Variants in ATG12 observed in about 807,000 individuals in gnomAD.
ATG12 encodes ubiquitin-like protein ATG12.
ATG12 carries 19 observed loss-of-function variants against 17.6 expected under a neutral mutation model. The ratio of observed to expected loss-of-function variants is 1.08; its 90% CI spans 0.75 to 1.58. The LOEUF (loss-of-function observed/expected upper bound fraction) is 1.58, where lower values mean the gene tolerates loss of function less well. Ranked by LOEUF, ATG12 falls within the 40% of genes most tolerant of loss-of-function variation. ATG12 has a pLI of 0.00. For synonymous variants in ATG12, 75 were observed against 62.4 expected, an observed-to-expected ratio of 1.20 and a Z score of -0.95; for missense variants, 214 against 162.0, an observed-to-expected ratio of 1.32 and a Z score of -1.74.
chr5:115,839,809 G>A (rs1357518822), intron 1 of ATG12, among the ~76,000 whole-genome samples: 1 of 152,162 alleles, frequency 6.6e-6, no homozygotes, highest in East Asian at 1.9e-4. Flanking sequence ...AACAAATAAT[G>A]ACAAGCACAA....
At chr5:115,839,416 G>C (rs1280735118) in intron 1 of ATG12, 1 of 152,152 alleles carries the variant, frequency 6.6e-6, no homozygotes, top group Non-Finnish European at 1.5e-5. Flanking sequence ...ATTTTAGTTA[G>C]CCTATCTTTC....
At position 115,837,779 on chromosome 5, in the gene ATG12, T is replaced by G; in HGVS notation, c.164-15A>C. 1 of 1,580,108 alleles carries G rather than the reference T, an allele frequency of 6.3e-7. No individual in the cohort carries two copies. The highest frequency in any genetic ancestry group is 8.6e-7 in the Non-Finnish European group (1 of 1,167,632). On this transcript the variant is annotated splice_polypyrimidine_tract_variant and intron_variant, in intron 1 of 3. Coordinates refer to ENST00000509910, the MANE Select transcript of ATG12 (RefSeq NM_004707.4). ...CAAAATGTCAACTGTAAAAGAAGAA[T>G]AAAATTTACTGACAATTACACTGAA...
intron 1 of ATG12, chr5:115,839,457 CT>C (rs1761238299): frequency 1.3e-5 from 2 of 152,180 alleles, no homozygotes; most frequent in South Asian, 4.1e-4. Flanking sequence ...CTCAAATCCC[CT>C]GGGGCTATCA....
rs1388467893 is a variant in ATG12, at chr5:115,830,505, T to C, written c.*1299A>G. Reference sequence around the variant, plus strand: ...ACTACATACCATCTTAGATCCTGTTTTGAAATTCCATTCACATTACATTCG... The same window carrying C: ...ACTACATACCATCTTAGATCCTGTTCTGAAATTCCATTCACATTACATTCG... On this transcript the variant is annotated 3_prime_UTR_variant, in exon 4 of 4. Coordinates refer to ENST00000509910, the MANE Select transcript of ATG12 (RefSeq NM_004707.4). 6.6e-6 allele frequency: 1 copy of C among 152,170 alleles called. No homozygotes were observed. Among genetic ancestry groups the C allele is most frequent in the Non-Finnish European group, 1.5e-5 (1 of 68,030 alleles). The allele number at this position is 152,170 out of a possible 1,614,324, so 9.4% of individuals were successfully genotyped here.
rs1760796292 is a variant in ATG12 at position 115,829,946 on chromosome 5, C to A, written c.*1858G>T. On this transcript the variant is annotated 3_prime_UTR_variant, in exon 4 of 4. Transcript: ENST00000509910. ...CCTGGCCAAAATGGTAAAACCCTGT[C>A]TCCACTAAAAATAACAAAAAATTAG... 2 of 152,054 alleles carry A rather than the reference C, an allele frequency of 1.3e-5. No homozygotes were observed. The highest frequency in any genetic ancestry group is 4.8e-5 in the African/African-American group (2 of 41,390). The allele number at this position is 152,054 out of a possible 1,614,324, so 9.4% of individuals were successfully genotyped here. A position where few individuals can be genotyped will look rare whatever the true frequency, so the allele number is the denominator to read the frequency against.
rs1234565844 is a variant in ATG12, at chr5:115,830,641, CA to C, written c.*1162del. ...CACTATACCCTTGAACTTCTGGGCT[CA>C]GGGGATCCTCTTGCCTCTGCAGCCT... is the stretch of plus-strand genomic sequence containing the variant. On this transcript the variant is annotated 3_prime_UTR_variant, in exon 4 of 4. Transcript: ENST00000509910. 1.3e-5 allele frequency: 2 copies of C among 151,958 alleles called. No homozygotes were observed. Among genetic ancestry groups the C allele is most frequent in the African/African-American group, 4.8e-5 (2 of 41,346 alleles). The allele number at this position is 151,958 out of a possible 1,614,324, so 9.4% of individuals were successfully genotyped here. A position where few individuals can be genotyped will look rare whatever the true frequency, so the allele number is the denominator to read the frequency against.
intron 1 of ATG12, chr5:115,837,978 T>C (rs1382852076): frequency 2.3e-6 from 1 of 427,008 alleles, no homozygotes; most frequent in African/African-American, 2.1e-5. Flanking sequence ...ATTTTTAAAA[T>C]GCCTTTTATC....
chr5:115,830,775 C>T lies in ATG12; in HGVS notation c.*1029G>A, dbSNP rs1030417748. 9.2e-5 allele frequency: 14 copies of T among 152,090 alleles called. No individual in the cohort carries two copies. Among genetic ancestry groups the T allele is most frequent in the African/African-American group, 2.7e-4 (11 of 41,406 alleles). The allele number at this position is 152,090 out of a possible 1,614,324, so 9.4% of individuals were successfully genotyped here. ...CACGCAATCCCCACACCTCAGCCTTCCAAAGTGCTGGGATTACAGGTGTAA... is the reference window on the plus strand; with the variant it reads ...CACGCAATCCCCACACCTCAGCCTTTCAAAGTGCTGGGATTACAGGTGTAA... On this transcript the variant is annotated 3_prime_UTR_variant, in exon 4 of 4. Coordinates refer to ENST00000509910, the MANE Select transcript of ATG12 (RefSeq NM_004707.4).
chr5:115,840,338 T>A (rs1761325321), intron 1 of ATG12, among the ~76,000 whole-genome samples: 1 of 151,260 alleles, frequency 6.6e-6, no homozygotes, highest in Non-Finnish European at 1.5e-5. Context: ...GCTCTTGTTG[T>A]CCAGGCTGGA....
At chr5:115,832,512 A>C (rs566561) in intron 3 of ATG12, 90 bp downstream of exon 3, 1 of 1,342,140 alleles carries the variant, frequency 7.5e-7, no homozygotes. Flanking sequence ...AATACTACAC[A>C]ATATACATAT....
At chr5:115,835,814 A>G (rs1030658643) in intron 2 of ATG12, among the ~76,000 whole-genome samples, 4 of 152,172 alleles carry the variant, frequency 2.6e-5, no homozygotes, top group African/African-American at 9.7e-5. Context: ...ACAGATGCTG[A>G]TACCATGCAG....
Position 115,830,452 on chromosome 5 carries a change from A to G in ATG12, c.*1352T>C, listed in dbSNP as rs1760823083. On this transcript the variant is annotated 3_prime_UTR_variant, in exon 4 of 4. Transcript: ENST00000509910. Reference sequence around the variant, plus strand: ...AACAGACCTTTTCCATACTCATTTAACTTTAAAATGATATTACTTTGAATT... The same window carrying G: ...AACAGACCTTTTCCATACTCATTTAGCTTTAAAATGATATTACTTTGAATT... 1 of 152,144 alleles carries G rather than the reference A, an allele frequency of 6.6e-6. No homozygotes were observed. The highest frequency in any genetic ancestry group is 1.5e-5 in the Non-Finnish European group (1 of 68,026). 9.4% of individuals were successfully genotyped at this position (152,144 alleles called of 1,614,324 possible).
Position 115,840,768 on chromosome 5 carries a change from C to T in ATG12, c.163+622G>A, listed in dbSNP as rs1428825931. 10 of 1,178,736 alleles carry T rather than the reference C, an allele frequency of 8.5e-6. No homozygotes were observed. In the Admixed American group the frequency reaches 3.5e-4, roughly 42 times the overall value. 73.0% of individuals were successfully genotyped at this position (1,178,736 alleles called of 1,614,324 possible). ...TCTCTTTTACAAAGGGAAACATTCTCAAGCAATAAAGGGTTGAGGATAGCT... is the reference window on the plus strand; with the variant it reads ...TCTCTTTTACAAAGGGAAACATTCTTAAGCAATAAAGGGTTGAGGATAGCT... On this transcript the variant is annotated intron_variant, in intron 1 of 3. Transcript: ENST00000509910.
At chr5:115,837,480 A>T (rs1343287187) in intron 2 of ATG12, 148 bp downstream of exon 2, 2 of 860,290 alleles carry the variant, frequency 2.3e-6, no homozygotes, top group Non-Finnish European at 3.5e-6. Flanking sequence ...AAAAAAAAAA[A>T]ATGAATAAAT....
Position 115,831,330 on chromosome 5 carries a change from C to T in ATG12, c.*474G>A, listed in dbSNP as rs1760860941. ...AAACCAAAACGCCTAACCTTTTCTG[C>T]CTGGTGGACTGCCCTCTACTGGACT... On this transcript the variant is annotated 3_prime_UTR_variant, in exon 4 of 4. Coordinates refer to ENST00000509910, the MANE Select transcript of ATG12 (RefSeq NM_004707.4). 6.4e-6 allele frequency: 1 copy of T among 155,252 alleles called. No individual in the cohort carries two copies. Among genetic ancestry groups the T allele is most frequent in the South Asian group, 2.0e-4 (1 of 5,080 alleles). The allele number at this position is 155,252 out of a possible 1,614,324, so 9.6% of individuals were successfully genotyped here.
intron 2 of ATG12, among the ~76,000 whole-genome samples, chr5:115,836,985 A>C (rs1761129309): frequency 1.3e-5 from 2 of 152,224 alleles, no homozygotes; most frequent in Non-Finnish European, 1.5e-5. Flanking sequence ...GCTTACCTCA[A>C]GAAAAATAGG....
intron 1 of ATG12, chr5:115,840,809 A>G: frequency 3.3e-6 from 4 of 1,216,848 alleles, no homozygotes; most frequent in South Asian, 2.8e-5. Context: ...AAGCAATGAA[A>G]TAACTCACAA....
At chr5:115,834,321 C>T (rs1761004238) in intron 2 of ATG12, 1 of 152,140 alleles carries the variant, frequency 6.6e-6, no homozygotes, top group African/African-American at 2.4e-5. Flanking sequence ...GACAGAAAGA[C>T]ATAAATCTGT....
chr5:115,831,770 T>C lies in ATG12; in HGVS notation c.*34A>G, dbSNP rs778773750. Reference sequence around the variant, plus strand: ...GAGCTGTCTCTTCCGTGAAAATCCATTTCATGTAGTAGCAAGTTGATTTTC... The same window carrying C: ...GAGCTGTCTCTTCCGTGAAAATCCACTTCATGTAGTAGCAAGTTGATTTTC... On this transcript the variant is annotated 3_prime_UTR_variant, in exon 4 of 4. Coordinates refer to ENST00000509910, the MANE Select transcript of ATG12 (RefSeq NM_004707.4). 9 of 1,603,782 alleles carry C rather than the reference T, an allele frequency of 5.6e-6. No homozygotes were observed. The South Asian group carries it at 8.9e-5, about 16-fold the overall frequency.
Sources: gnomAD v4.1 joint callset for allele counts (sites outside exome capture counted in the v4.1 genomes callset) on GRCh38, gnomAD v4.1.1 for gene constraint, MANE v1.5 for transcripts, NCBI Gene and HGNC (gene_info 2026-07-23, HGNC 2026-07-21) for gene names.